BMPR1A: variants seen among roughly 807,000 people sequenced by gnomAD.
BMPR1A encodes bone morphogenetic protein receptor type-1A.
In BMPR1A, 7 loss-of-function variants were observed where a neutral mutation model predicts 66.0. That is an observed-to-expected ratio of 0.11 (90% CI 0.06 to 0.20). The LOEUF is 0.20. Among genes scored for constraint, BMPR1A ranks in the 10% least tolerant of loss-of-function variants. The pLI is 1.00. For missense variants in BMPR1A, 408 were observed against 669.1 expected, an observed-to-expected ratio of 0.61 and a Z score of 4.31; for synonymous variants, 200 against 229.7, an observed-to-expected ratio of 0.87 and a Z score of 1.17.
At chr10:86,894,940 A>G (rs1564716315) in intron 5 of BMPR1A, among the ~76,000 whole-genome samples, 2 of 152,116 alleles carry the variant, frequency 1.3e-5, no homozygotes, top group African/African-American at 4.8e-5. Context: ...GTTGCTGAAT[A>G]TTTCTCTGCC....
chr10:86,926,560 C>T lies in BMPR1A; in HGVS notation c.*2841C>T, dbSNP rs1425691495. ...TAAATAACAAAAAACAAAAATGTTG[C>T]ATTAAACTTAGTTCTTGTCTCTCCT... On this transcript the variant is annotated 3_prime_UTR_variant, in exon 13 of 13. Coordinates refer to ENST00000372037, the MANE Select transcript of BMPR1A (RefSeq NM_004329.3). The T allele has an allele frequency of 1.1e-5, 2 of 177,096 alleles. No individual in the cohort carries two copies. Among genetic ancestry groups the T allele is most frequent in the Non-Finnish European group, 2.4e-5 (2 of 82,388 alleles). The allele number at this position is 177,096 out of a possible 1,614,324, so 11.0% of individuals were successfully genotyped here. A position where few individuals can be genotyped will look rare whatever the true frequency, so the allele number is the denominator to read the frequency against.
chr10:86,809,611 T>C (rs77509882), intron 1 of BMPR1A, among the ~76,000 whole-genome samples: 49 of 146,298 alleles, frequency 3.3e-4, no homozygotes, highest in East Asian at 2.9e-3. Context: ...TTTTTTTTTT[T>C]TCTCTTTTTT....
intron 7 of BMPR1A, among the ~76,000 whole-genome samples, chr10:86,907,321 C>A (rs970513090): frequency 2.6e-5 from 4 of 152,136 alleles, no homozygotes; most frequent in African/African-American, 9.7e-5. Context: ...TGGCCATTAT[C>A]AAAAAGAAAA....
rs1451117461 is a variant in BMPR1A at position 86,790,204 on chromosome 10, T to A, written c.-268+33285T>A. ...AAAAAAAAAAATATATATATATATA[T>A]ATATATATATATATATATATATATA... On this transcript the variant is annotated intron_variant, in intron 1 of 12. Transcript: ENST00000372037. Among the ~76,000 whole-genome samples, 132 of 28,120 alleles carry A rather than the reference T, an allele frequency of 4.7e-3. 15 individuals carry two copies. The highest frequency in any genetic ancestry group is 0.015 in the African/African-American group (98 of 6,726). The allele number at this position is 28,120 out of a possible 152,430, so 18.4% of individuals were successfully genotyped here. A position where few individuals can be genotyped will look rare whatever the true frequency, so the allele number is the denominator to read the frequency against.
intron 1 of BMPR1A, among the ~76,000 whole-genome samples, chr10:86,771,327 T>C (rs753567061): frequency 1.3e-5 from 2 of 152,352 alleles, no homozygotes; most frequent in Non-Finnish European, 1.5e-5. Context: ...TCAGCTGTTA[T>C]TCACATATAA....
intron 3 of BMPR1A, among the ~76,000 whole-genome samples, chr10:86,884,700 C>G (rs1843046613): frequency 1.3e-5 from 2 of 152,088 alleles, no homozygotes; most frequent in Non-Finnish European, 1.5e-5. Flanking sequence ...CAGGCGTGAG[C>G]CACCGCGCCT....
chr10:86,770,580 G>T (rs1234572437), intron 1 of BMPR1A, among the ~76,000 whole-genome samples: 1 of 152,044 alleles, frequency 6.6e-6, no homozygotes, highest in East Asian at 1.9e-4. Flanking sequence ...CCAGGAAAGT[G>T]GCAACTGAGA....
chr10:86,912,971 G>T (rs1374176269), intron 8 of BMPR1A, among the ~76,000 whole-genome samples: 3 of 151,878 alleles, frequency 2.0e-5, no homozygotes, highest in Non-Finnish European at 4.4e-5. Flanking sequence ...ATCCCAGCAG[G>T]TTCATTTATA....
intron 1 of BMPR1A, among the ~76,000 whole-genome samples, chr10:86,830,269 T>G: frequency 6.6e-6 from 1 of 151,982 alleles, no homozygotes. Flanking sequence ...TGACGGGAGG[T>G]TTGCTAATCT....
chr10:86,866,395 C>CTTTCTTTTTTTTT lies in BMPR1A; in HGVS notation c.-152-9468_-152-9456dup, dbSNP rs1564707576. ...TGGTTGTGTTAAGTTGGGCAAGTTT[C>CTTTCTTTTTTTTT]TTTCTTTTTTTTTTTTTTTTTTTTT... On this transcript the variant is annotated intron_variant, in intron 2 of 12. Coordinates refer to ENST00000372037, the MANE Select transcript of BMPR1A (RefSeq NM_004329.3). 1.3e-3 allele frequency among the ~76,000 whole-genome samples: 94 copies of CTTTCTTTTTTTTT among 70,652 alleles called. 3 individuals are homozygous for CTTTCTTTTTTTTT. The highest frequency in any genetic ancestry group is 5.4e-3 in the African/African-American group (93 of 17,138). The allele number at this position is 70,652 out of a possible 152,430, so 46.4% of individuals were successfully genotyped here. A position where few individuals can be genotyped will look rare whatever the true frequency, so the allele number is the denominator to read the frequency against.
chr10:86,769,011 T>G (rs1841209413), intron 1 of BMPR1A, among the ~76,000 whole-genome samples: 1 of 152,248 alleles, frequency 6.6e-6, no homozygotes, highest in African/African-American at 2.4e-5. Flanking sequence ...TATCTTAAAA[T>G]GCAGGTTTGA....
In BMPR1A at chr10:86,903,432, A is replaced by G. The variant is rs1717063397; in HGVS notation, c.530+3306A>G. On this transcript the variant is annotated intron_variant, in intron 7 of 12. Coordinates refer to ENST00000372037, the MANE Select transcript of BMPR1A (RefSeq NM_004329.3). ...GATGAAATTAGTGACAGACTGTAGA[A>G]GAAAAGATGAGTGAACATGAAGACA... Among the ~76,000 whole-genome samples, 3 of 152,122 alleles carry G rather than the reference A, an allele frequency of 2.0e-5. No individual in the cohort carries two copies. The South Asian group carries it at 6.2e-4, about 31-fold the overall frequency.
chr10:86,798,247 A>G (rs1841753568), intron 1 of BMPR1A, among the ~76,000 whole-genome samples: 1 of 152,078 alleles, frequency 6.6e-6, no homozygotes. Context: ...GACATTTTAT[A>G]TCTTTGCAAA....
chr10:86,777,381 A>G (rs558188658), intron 1 of BMPR1A, among the ~76,000 whole-genome samples: 3 of 151,914 alleles, frequency 2.0e-5, no homozygotes, highest in Non-Finnish European at 4.4e-5. Flanking sequence ...GGAGTTTGAG[A>G]TCGGAGTGGA....
At chr10:86,931,466 A>G (rs990330608), downstream of BMPR1A, 3 of 150,560 alleles carry the variant, frequency 2.0e-5, no homozygotes, top group Non-Finnish European at 4.4e-5. Context: ...AAAAATTGGA[A>G]GTCTCCACTG....
At chr10:86,872,100 A>G (rs1457450483) in intron 2 of BMPR1A, among the ~76,000 whole-genome samples, 2 of 152,184 alleles carry the variant, frequency 1.3e-5, no homozygotes, top group Non-Finnish European at 2.9e-5. Context: ...ATCAATACCA[A>G]TACGTATTGA....
At chr10:86,814,484 G>A (rs1474093957) in intron 1 of BMPR1A, among the ~76,000 whole-genome samples, 5 of 151,636 alleles carry the variant, frequency 3.3e-5, no homozygotes, top group African/African-American at 4.8e-5. Context: ...TCAATTTCTC[G>A]AAGGCATTAT....
At position 86,767,545 on chromosome 10, in the gene BMPR1A, G is replaced by A. The variant is rs143924404; in HGVS notation, c.-268+10626G>A. Among the ~76,000 whole-genome samples, 173 of 152,250 alleles carry A rather than the reference G, an allele frequency of 1.1e-3. No homozygotes were observed. In the Middle Eastern group the frequency reaches 0.014, roughly 12 times the overall value. Reference sequence around the variant, plus strand: ...ATTTAAAAATCAATGAGATGTGGTGGTATGCACTTGTAGTCTCAGCAACTC... The same window carrying A: ...ATTTAAAAATCAATGAGATGTGGTGATATGCACTTGTAGTCTCAGCAACTC... On this transcript the variant is annotated intron_variant, in intron 1 of 12. Transcript: ENST00000372037.
At chr10:86,837,739 G>C (rs1461892778) in intron 1 of BMPR1A, among the ~76,000 whole-genome samples, 2 of 152,168 alleles carry the variant, frequency 1.3e-5, no homozygotes, top group Non-Finnish European at 2.9e-5. Context: ...TAGGTAACTA[G>C]TGCATTGAGA....
Sources: gnomAD v4.1 joint callset for allele counts (sites outside exome capture counted in the v4.1 genomes callset) on GRCh38, gnomAD v4.1.1 for gene constraint, MANE v1.5 for transcripts, NCBI Gene and HGNC (gene_info 2026-07-23, HGNC 2026-07-21) for gene names.